Variants in CTNNA3 observed in about 807,000 individuals in gnomAD.
CTNNA3 encodes catenin alpha 3, also known as catenin alpha-3.
Under a neutral mutation model 95.7 loss-of-function variants are expected in CTNNA3, and 76 were observed. That is an observed-to-expected ratio of 0.79 (90% CI 0.66 to 0.96). The LOEUF is 0.96. Ranked by LOEUF, CTNNA3 falls within the 40% of genes least tolerant of loss-of-function variation. The pLI, the probability that CTNNA3 is intolerant of heterozygous loss-of-function variation, is 0.00. For missense variants in CTNNA3, 1,191 were observed against 1,089.8 expected (o/e 1.09, Z -1.31); for synonymous variants, 431 against 374.4 (o/e 1.15, Z -1.74).
chr10:66,174,013 T>C (rs922987078), intron 13 of CTNNA3, among the ~76,000 whole-genome samples: 1 of 152,294 alleles, frequency 6.6e-6, no homozygotes, highest in South Asian at 2.1e-4. Context: ...AAATAGCCTC[T>C]TTCTCTGTTC....
chr10:66,834,833 A>G (rs1235341096), intron 7 of CTNNA3, among the ~76,000 whole-genome samples: 1 of 152,218 alleles, frequency 6.6e-6, no homozygotes, highest in Non-Finnish European at 1.5e-5. Context: ...CACTAGAAAG[A>G]GCTCTTATTC....
At position 66,911,820 on chromosome 10, in the gene CTNNA3, T is replaced by C. The variant is rs10491059; in HGVS notation, c.1048-136296A>G. Among the ~76,000 whole-genome samples the C allele has an allele frequency of 9.1e-3, 1,389 of 152,292 alleles. 114 individuals carry two copies. In the East Asian group the frequency reaches 0.19, roughly 21 times the overall value. Reference sequence around the variant, plus strand: ...AAAGCTTGTAAGCCACTTGAAATTATGTAAAACCTCTCAAGTCGTTTAGAA... The same window carrying C: ...AAAGCTTGTAAGCCACTTGAAATTACGTAAAACCTCTCAAGTCGTTTAGAA... On this transcript the variant is annotated intron_variant, in intron 7 of 17. Transcript: ENST00000433211.
At chr10:67,559,545 CAG>C (rs1388525815) in intron 3 of CTNNA3, among the ~76,000 whole-genome samples, 2 of 152,060 alleles carry the variant, frequency 1.3e-5, no homozygotes, top group Non-Finnish European at 2.9e-5. Flanking sequence ...GGGGAAAAAA[CAG>C]AGCAGAAAAA....
At chr10:66,115,586 TAGATAGAGATAGAGATAGAGATAG>T (rs71035111) in intron 13 of CTNNA3, among the ~76,000 whole-genome samples, 4 of 118,038 alleles carry the variant, frequency 3.4e-5, no homozygotes, top group African/African-American at 1.2e-4. Flanking sequence ...AGATGATAGA[TAGATAGAGATAGAGATAGAGATAG>T]AGATAGAGAT....
intron 5 of CTNNA3, among the ~76,000 whole-genome samples, chr10:67,281,447 T>C (rs1195528654): frequency 6.6e-6 from 1 of 152,182 alleles, no homozygotes; most frequent in Non-Finnish European, 1.5e-5. Flanking sequence ...TCTGAGTGAC[T>C]AGAGAAATTT....
intron 7 of CTNNA3, among the ~76,000 whole-genome samples, chr10:67,148,332 A>G (rs551584797): frequency 1.2e-4 from 19 of 152,324 alleles, no homozygotes; most frequent in East Asian, 1.9e-4. Context: ...GTCCTCTTGA[A>G]TGAACTAATA....
chr10:66,084,038 G>A (rs1299866943), intron 14 of CTNNA3, among the ~76,000 whole-genome samples: 1 of 150,846 alleles, frequency 6.6e-6, no homozygotes, highest in Non-Finnish European at 1.5e-5. Context: ...GGGAGGCTGA[G>A]ACAGGAGAAT....
At chr10:66,539,705 G>C (rs1841781203) in intron 10 of CTNNA3, among the ~76,000 whole-genome samples, 1 of 152,036 alleles carries the variant, frequency 6.6e-6, no homozygotes, top group Non-Finnish European at 1.5e-5. Context: ...TGGCAGGACA[G>C]GCTTCATTCT....
rs2080388745 is a variant in CTNNA3 at position 66,069,622 on chromosome 10, A to T, written c.1978-133T>A. ...AGGCACAATATAGTTAAATTCATTCAATTAAAACTTTCCAGGCTTAATATT... is the reference window on the plus strand; with the variant it reads ...AGGCACAATATAGTTAAATTCATTCTATTAAAACTTTCCAGGCTTAATATT... On this transcript the variant is annotated intron_variant, in intron 14 of 17. Coordinates refer to ENST00000433211, the MANE Select transcript of CTNNA3 (RefSeq NM_013266.4). The T allele has an allele frequency of 1.2e-5, 7 of 598,396 alleles. No homozygotes were observed. In the East Asian group the frequency reaches 2.2e-4, roughly 19 times the overall value. The allele number at this position is 598,396 out of a possible 1,614,324, so 37.1% of individuals were successfully genotyped here. A position where few individuals can be genotyped will look rare whatever the true frequency, so the allele number is the denominator to read the frequency against.
intron 15 of CTNNA3, among the ~76,000 whole-genome samples, chr10:66,037,216 A>C (rs116402686): frequency 3.9e-4 from 60 of 152,298 alleles, no homozygotes; most frequent in African/African-American, 1.4e-3. Context: ...TGATATAAGA[A>C]AAATTCTAGA....
intron 11 of CTNNA3, among the ~76,000 whole-genome samples, chr10:66,397,469 T>G (rs2092988168): frequency 6.6e-6 from 1 of 151,844 alleles, no homozygotes; most frequent in Non-Finnish European, 1.5e-5. Context: ...CAAACTAATA[T>G]TTTCTATTTA....
intron 7 of CTNNA3, among the ~76,000 whole-genome samples, chr10:67,108,826 C>T (rs1858779926): frequency 6.6e-6 from 1 of 152,086 alleles, no homozygotes; most frequent in South Asian, 2.1e-4. Flanking sequence ...CATATAGCTA[C>T]TCAGTTTTTT....
At chr10:66,354,160 T>G (rs1198079925) in intron 12 of CTNNA3, among the ~76,000 whole-genome samples, 1 of 151,958 alleles carries the variant, frequency 6.6e-6, no homozygotes, top group South Asian at 2.1e-4. Context: ...GGCGGGCGCC[T>G]GTAATCCCAG....
In CTNNA3 at chr10:65,966,695, T is replaced by C; in HGVS notation, c.2317A>G (p.Lys773Glu). 1 of 1,613,662 alleles carries C rather than the reference T, an allele frequency of 6.2e-7. No homozygotes were observed. Among genetic ancestry groups the C allele is most frequent in the Non-Finnish European group, 8.5e-7 (1 of 1,179,618 alleles). ...QDLLAYLEQI[K>E]FYSHQLKICS... ...ATTTTCAGTTGGTGGGAGTAGAACT[T>C]AATCTGTTCCAGGTAGGCCAACAAG... is the stretch of plus-strand genomic sequence containing the variant. The change falls in exon 17 of 18, where the codon AAG (lysine) becomes GAG (glutamate). Residue 773 changes from lysine to glutamate, a missense_variant. Lys to Glu is a moderately conservative substitution (Grantham distance 56). Coordinates refer to ENST00000433211, the MANE Select transcript of CTNNA3 (RefSeq NM_013266.4).
rs545763758 is a variant in CTNNA3 at position 67,389,441 on chromosome 10, G to C, written c.579+132401C>G. ...CCTGAGTGACCTACAAAGAGACTTA[G>C]ACTCCCACACATTAAAAATGGGAGA... On this transcript the variant is annotated intron_variant, in intron 5 of 17. Transcript: ENST00000433211. Among the ~76,000 whole-genome samples the C allele has an allele frequency of 8.1e-3, 1,235 of 151,866 alleles. 25 individuals are homozygous for C. Among genetic ancestry groups the C allele is most frequent in the East Asian group, 0.076 (388 of 5,134 alleles).
intron 5 of CTNNA3, among the ~76,000 whole-genome samples, chr10:67,321,623 T>A (rs1454229931): frequency 1.3e-5 from 2 of 152,108 alleles, no homozygotes; most frequent in Non-Finnish European, 2.9e-5. Flanking sequence ...AGAGCCCTCT[T>A]CTTACCTTAT....
intron 5 of CTNNA3, among the ~76,000 whole-genome samples, chr10:67,340,479 T>C (rs1842145570): frequency 6.6e-6 from 1 of 152,224 alleles, no homozygotes; most frequent in Admixed American, 6.5e-5. Flanking sequence ...CTCAGCATGC[T>C]AATATATCAG....
At chr10:67,276,557 T>C (rs1839186602) in intron 5 of CTNNA3, among the ~76,000 whole-genome samples, 2 of 152,148 alleles carry the variant, frequency 1.3e-5, no homozygotes, top group Admixed American at 1.3e-4. Flanking sequence ...ATGCATCCAT[T>C]GTATTTGTAT....
chr10:66,729,734 C>A (rs1848893263), intron 9 of CTNNA3, among the ~76,000 whole-genome samples: 1 of 152,130 alleles, frequency 6.6e-6, no homozygotes, highest in South Asian at 2.1e-4. Flanking sequence ...CACAAAAACA[C>A]CACAAAAGAA....
Sources: gnomAD v4.1 joint callset for allele counts (sites outside exome capture counted in the v4.1 genomes callset) on GRCh38, gnomAD v4.1.1 for gene constraint, MANE v1.5 for transcripts, NCBI Gene and HGNC (gene_info 2026-07-23, HGNC 2026-07-21) for gene names.